The following RNLS variants were observed in gnomAD, a reference collection of about 807,000 sequenced individuals.
RNLS encodes the protein renalase, FAD dependent amine oxidase, also known as renalase.
In RNLS, 39 loss-of-function variants were observed where a neutral mutation model predicts 39.8. The ratio of observed to expected loss-of-function variants is 0.98; its 90% CI spans 0.76 to 1.28. The LOEUF is 1.28. RNLS is among the 50% of genes most tolerant of loss of function. RNLS has a pLI of 0.00. For missense variants in RNLS, 410 were observed against 413.3 expected, an observed-to-expected ratio of 0.99 and a Z score of 0.07; for synonymous variants, 147 against 150.7, an observed-to-expected ratio of 0.98 and a Z score of 0.18.
At chr10:88,414,355 T>G (rs1471583641) in intron 4 of RNLS, among the ~76,000 whole-genome samples, 2 of 152,140 alleles carry the variant, frequency 1.3e-5, no homozygotes, top group Non-Finnish European at 2.9e-5. Context: ...ATTTAAAGAC[T>G]GGTGTTAGGG....
chr10:88,468,916 A>T (rs1031413241), intron 4 of RNLS, among the ~76,000 whole-genome samples: 7 of 152,142 alleles, frequency 4.6e-5, no homozygotes, highest in African/African-American at 1.7e-4. Context: ...AACAAACTAA[A>T]TGCCTTTGAG....
intron 5 of RNLS, among the ~76,000 whole-genome samples, chr10:88,352,643 A>G (rs948372372): frequency 6.6e-6 from 1 of 152,092 alleles, no homozygotes; most frequent in Non-Finnish European, 1.5e-5. Context: ...TTCATCAGGG[A>G]TATTGGCCTA....
chr10:88,533,266 T>A (rs531037850), intron 4 of RNLS, among the ~76,000 whole-genome samples: 1 of 152,098 alleles, frequency 6.6e-6, no homozygotes, highest in Admixed American at 6.6e-5. Context: ...AAATCATCAT[T>A]GGTTAAAGAG....
chr10:88,203,176 T>C, the RNLS span, among the ~76,000 whole-genome samples: 1 of 146,304 alleles, frequency 6.8e-6, no homozygotes, highest in Admixed American at 6.9e-5. Flanking sequence ...GATAGTTGGG[T>C]TGGGAAAAAC....
the RNLS span, among the ~76,000 whole-genome samples, chr10:88,207,908 T>C: frequency 0.72 from 109,787 of 151,998 alleles, 40,011 homozygotes; most frequent in Non-Finnish European, 0.78. Context: ...AGGACTTCCC[T>C]GCTTTTGAGA....
intron 6 of RNLS, among the ~76,000 whole-genome samples, chr10:88,313,621 ACTG>A (rs1260058336): frequency 6.6e-6 from 1 of 152,198 alleles, no homozygotes; most frequent in Admixed American, 6.5e-5. Context: ...TACAAAATCA[ACTG>A]CAATTTCCCA....
At chr10:88,216,809 A>G in the RNLS span, among the ~76,000 whole-genome samples, 2 of 152,260 alleles carry the variant, frequency 1.3e-5, no homozygotes, top group African/African-American at 4.8e-5. Context: ...GGTGTTTAGC[A>G]TACTTTCTCC....
chr10:88,483,427 A>G (rs1844320244), intron 4 of RNLS, among the ~76,000 whole-genome samples: 1 of 151,936 alleles, frequency 6.6e-6, no homozygotes, highest in Admixed American at 6.6e-5. Context: ...TCTCTTTTTT[A>G]TTTCCTTTTC....
Position 88,362,622 on chromosome 10 carries a change from C to T in RNLS, c.630G>A (p.Trp210Ter). ...GATTACTGGTGATGTACTGCCCAGC[C>T]CAAGGGACATCAATCTTCGTACCAG... ...YEAGTKIDVP[W>*]AGQYITSNPC... Residue 210 changes from tryptophan to a stop codon, truncating the protein, a stop_gained, in exon 5 of 7, where the codon TGG (tryptophan) becomes TGA (stop). Transcript: ENST00000331772. LOFTEE classifies it high-confidence loss of function. The T allele has an allele frequency of 6.2e-7, 1 of 1,613,888 alleles. No homozygotes were observed. Among genetic ancestry groups the T allele is most frequent in the East Asian group, 2.2e-5 (1 of 44,882 alleles).
intron 5 of RNLS, among the ~76,000 whole-genome samples, chr10:88,349,484 C>G (rs914225798): frequency 1.3e-5 from 2 of 152,060 alleles, no homozygotes; most frequent in Non-Finnish European, 2.9e-5. Flanking sequence ...TTTTAAATAA[C>G]AGAGATGGAG....
chr10:88,241,749 T>C, the RNLS span, among the ~76,000 whole-genome samples: 1 of 152,226 alleles, frequency 6.6e-6, no homozygotes, highest in Non-Finnish European at 1.5e-5. Context: ...TCTCCACACT[T>C]AGTCCTTCCT....
At chr10:88,296,120 T>C (rs1844081397) in intron 6 of RNLS, among the ~76,000 whole-genome samples, 3 of 152,166 alleles carry the variant, frequency 2.0e-5, no homozygotes, top group African/African-American at 7.2e-5. Context: ...CTATGAAAAG[T>C]GTGAGGGTAA....
Position 88,516,232 on chromosome 10 carries a change from G to A in RNLS, c.526+56671C>T, listed in dbSNP as rs145863483. On this transcript the variant is annotated intron_variant, in intron 4 of 6. Coordinates refer to ENST00000331772, the MANE Select transcript of RNLS (RefSeq NM_001031709.3). The stretch of plus-strand genomic sequence containing the variant: ...ACACAAAGGGTTAGAAGATATAGAA[G>A]GAAAAATGGTTGGATAAGGAAATAT... Among the ~76,000 whole-genome samples the A allele has an allele frequency of 2.6e-3, 395 of 151,980 alleles. 1 individual carries two copies. The highest frequency in any genetic ancestry group is 9.0e-3 in the African/African-American group (375 of 41,460).
chr10:88,441,458 C>T (rs904156300), intron 4 of RNLS, among the ~76,000 whole-genome samples: 1 of 152,188 alleles, frequency 6.6e-6, no homozygotes, highest in African/African-American at 2.4e-5. Context: ...TACTGAAAGG[C>T]ACATTACTTA....
downstream of RNLS, among the ~76,000 whole-genome samples, chr10:88,279,400 T>C (rs776460248): frequency 2.6e-5 from 4 of 152,148 alleles, no homozygotes; most frequent in Non-Finnish European, 5.9e-5. Context: ...TGCATGTACA[T>C]ACTATAACCC....
chr10:88,571,123 C>G (rs1034513627), intron 4 of RNLS, among the ~76,000 whole-genome samples: 1 of 151,696 alleles, frequency 6.6e-6, no homozygotes, highest in Admixed American at 6.6e-5. Flanking sequence ...ACTGGGATTA[C>G]AGGAACATAC....
At chr10:88,238,009 T>A in the RNLS span, among the ~76,000 whole-genome samples, 14 of 152,202 alleles carry the variant, frequency 9.2e-5, no homozygotes, top group Non-Finnish European at 1.2e-4. Context: ...TTTAGGTAAC[T>A]CATTTTCTAA....
chr10:88,471,978 A>G (rs1843559109), intron 4 of RNLS, among the ~76,000 whole-genome samples: 1 of 152,068 alleles, frequency 6.6e-6, no homozygotes, highest in Non-Finnish European at 1.5e-5. Context: ...CATAAATCAC[A>G]TCGTCAGGAT....
chr10:88,275,127 G>C, intron 6 of RNLS: 2 of 963,888 alleles, frequency 2.1e-6, no homozygotes, highest in East Asian at 2.5e-5. Context: ...TTGCTTTCAC[G>C]GAACATATAT....
Sources: allele counts gnomAD v4.1 joint callset (sites outside exome capture counted in the v4.1 genomes callset), GRCh38; gene constraint gnomAD v4.1.1; transcripts MANE v1.5; gene names NCBI Gene and HGNC (gene_info 2026-07-23, HGNC 2026-07-21).